The following TOGARAM1 variants were observed in gnomAD, a reference collection of about 807,000 sequenced individuals.
The protein encoded by TOGARAM1 is TOG array regulator of axonemal microtubules protein 1.
Under a neutral mutation model 166.6 loss-of-function variants are expected in TOGARAM1, and 100 were observed. The observed-to-expected ratio is 0.60, with a 90% confidence interval of 0.51 to 0.71. The LOEUF (loss-of-function observed/expected upper bound fraction) is 0.71. Among genes scored for constraint, TOGARAM1 ranks in the 30% least tolerant of loss-of-function variants. The pLI is 0.00. For missense variants in TOGARAM1, 2,029 were observed against 2,102.7 expected (o/e 0.96, Z 0.69); for synonymous variants, 758 against 763.8 (o/e 0.99, Z 0.13).
intron 1 of TOGARAM1, among the ~76,000 whole-genome samples, chr14:44,964,951 T>TAAA (rs35780816): frequency 8.0e-4 from 69 of 85,858 alleles, no homozygotes; most frequent in African/African-American, 1.7e-3. Context: ...ACTAGAAAAG[T>TAAA]AAAAAAAAAA....
At chr14:45,033,252 CAAAAAAAA>C (rs1434217190) in intron 11 of TOGARAM1, among the ~76,000 whole-genome samples, 1 of 105,580 alleles carries the variant, frequency 9.5e-6, no homozygotes, top group Admixed American at 1.0e-4. Context: ...AACTCTGTCT[CAAAAAAAA>C]AAAAAAAAAA....
chr14:45,003,765 ACATGTGTGTATATGTATACATATACATG>A (rs1357518895), intron 3 of TOGARAM1, among the ~76,000 whole-genome samples: 1 of 122,034 alleles, frequency 8.2e-6, no homozygotes, highest in African/African-American at 3.9e-5. Context: ...GACTTCTCTG[ACATGTGTGTATATGTATACATATACATG>A]CATGTATGTA....
In TOGARAM1 at chr14:44,995,869, T is replaced by A; in HGVS notation, c.2170T>A (p.Phe724Ile). 6 of 1,610,562 alleles carry A rather than the reference T, an allele frequency of 3.7e-6. No homozygotes were observed. The highest frequency in any genetic ancestry group is 5.1e-6 in the Non-Finnish European group (6 of 1,178,940). Residue 724 changes from phenylalanine to isoleucine, a missense_variant, in exon 2 of 20, where the codon TTT becomes ATT. This residue lies in a region of TOGARAM1 where 1,453 missense variants were observed against 1,432.2 expected (regional missense o/e 1.01). Transcript: ENST00000361462. The part of the protein sequence containing the change: ...SRNLFQNSRD[F>I]NPDCLPLCAA... ...AAACTTATTTCAGAATAGTCGGGATTTTAACCCAGATTGTCTTCCTTTATG... is the reference window on the plus strand; with the variant it reads ...AAACTTATTTCAGAATAGTCGGGATATTAACCCAGATTGTCTTCCTTTATG...
chr14:45,062,656 T>C (rs1882950572), intron 16 of TOGARAM1, among the ~76,000 whole-genome samples: 1 of 152,208 alleles, frequency 6.6e-6, no homozygotes, highest in African/African-American at 2.4e-5. Context: ...ATTCATACAA[T>C]CATTCTGTTT....
In TOGARAM1 at chr14:45,006,112, C is replaced by G. The variant is rs757990534; in HGVS notation, c.2749C>G (p.Pro917Ala). 6.2e-7 allele frequency: 1 copy of G among 1,614,004 alleles called. No individual in the cohort carries two copies. The highest frequency in any genetic ancestry group is 8.5e-7 in the Non-Finnish European group (1 of 1,179,956). The change falls in exon 5 of 20, where the codon CCA (proline) becomes GCA (alanine). Residue 917 changes from proline (P) to alanine (A), a missense_variant. Coordinates refer to ENST00000361462, the MANE Select transcript of TOGARAM1 (RefSeq NM_001308120.2). ...TGGGACAAAGCCTGTTCCTCCCATA[C>G]CAAGGGGAATAAGCCTTTTGCCTGA... ...LNGTKPVPPI[P>A]RGISLLPDKA...
chr14:45,045,611 GTGTGTGTA>G (rs796154624), intron 13 of TOGARAM1, among the ~76,000 whole-genome samples: 1,215 of 75,402 alleles, frequency 0.016, 57 homozygotes, highest in East Asian at 0.14. Context: ...GTGTGTGTGT[GTGTGTGTA>G]TATATATGTA....
chr14:45,039,326 A>G (rs1324425577), intron 11 of TOGARAM1, among the ~76,000 whole-genome samples: 1 of 152,124 alleles, frequency 6.6e-6, no homozygotes, highest in Non-Finnish European at 1.5e-5. Flanking sequence ...TGGAAAAAGC[A>G]CCATAAGTTC....
intron 4 of TOGARAM1, among the ~76,000 whole-genome samples, chr14:45,005,408 A>G (rs111812592): frequency 0.012 from 1,841 of 151,824 alleles, 31 homozygotes; most frequent in African/African-American, 0.041. Context: ...TGAGGTCAGG[A>G]GTTTGAGACC....
rs915409640 is a variant in TOGARAM1, at chr14:45,068,610, A to G, written c.4936A>G (p.Thr1646Ala). 1.2e-6 allele frequency: 2 copies of G among 1,610,742 alleles called. No homozygotes were observed. Among genetic ancestry groups the G allele is most frequent in the African/African-American group, 2.7e-5 (2 of 74,816 alleles). ...GAATCCAGGCATCTATGCGGCTGCTACAAATGTTGTTCAGGCACTGAGTCA... is the reference window on the plus strand; with the variant it reads ...GAATCCAGGCATCTATGCGGCTGCTGCAAATGTTGTTCAGGCACTGAGTCA... ...SKNPGIYAAA[T>A]NVVQALSQHV... The change falls in exon 18 of 20, where the codon ACA becomes GCA. Residue 1646 changes from threonine (T) to alanine (A), a missense_variant. Transcript: ENST00000361462.
intron 6 of TOGARAM1, among the ~76,000 whole-genome samples, chr14:45,009,981 A>G (rs1272521662): frequency 6.6e-6 from 1 of 152,234 alleles, no homozygotes; most frequent in African/African-American, 2.4e-5. Flanking sequence ...CCTACCAGCT[A>G]TGTGTGAGAG....
At chr14:45,030,900 G>T (rs1251874154) in intron 10 of TOGARAM1, among the ~76,000 whole-genome samples, 2 of 152,120 alleles carry the variant, frequency 1.3e-5, no homozygotes, top group Non-Finnish European at 2.9e-5. Flanking sequence ...TATTTTCTCA[G>T]CTGCAAAATA....
intron 14 of TOGARAM1, 21 bp from the exon 15 acceptor site, chr14:45,052,415 C>T (rs773551797): frequency 8.8e-6 from 14 of 1,598,068 alleles, no homozygotes; most frequent in African/African-American, 1.3e-5. Context: ...AGTAATATAC[C>T]TGTTTTTCAA....
intron 1 of TOGARAM1, among the ~76,000 whole-genome samples, chr14:44,983,944 G>A (rs192263600): frequency 7.9e-5 from 12 of 152,192 alleles, no homozygotes; most frequent in African/African-American, 2.9e-4. Flanking sequence ...AGCAGAAAAT[G>A]TAGAAGCTAC....
chr14:44,974,138 A>G (rs948927074), intron 1 of TOGARAM1, among the ~76,000 whole-genome samples: 3 of 151,762 alleles, frequency 2.0e-5, no homozygotes, highest in African/African-American at 4.8e-5. Context: ...TAGTAATCCC[A>G]TTATACATAT....
chr14:44,980,199 A>G (rs1163234377), intron 1 of TOGARAM1, among the ~76,000 whole-genome samples: 2 of 152,160 alleles, frequency 1.3e-5, no homozygotes, highest in Non-Finnish European at 2.9e-5. Flanking sequence ...CTCTGCTTTA[A>G]CATTTACAGT....
intron 9 of TOGARAM1, 97 bp from the exon 10 acceptor site, chr14:45,028,079 G>A (rs1259804247): frequency 2.0e-6 from 2 of 1,010,570 alleles, no homozygotes; most frequent in Non-Finnish European, 2.9e-6. Context: ...AGTAGTGACA[G>A]ACTAATATCC....
intron 7 of TOGARAM1, among the ~76,000 whole-genome samples, chr14:45,012,356 T>C (rs1408642780): frequency 1.3e-5 from 2 of 152,166 alleles, no homozygotes; most frequent in Non-Finnish European, 2.9e-5. Context: ...TGGAGTGTTA[T>C]TTAGCTGGTG....
intron 11 of TOGARAM1, among the ~76,000 whole-genome samples, chr14:45,041,708 T>C (rs1031886954): frequency 2.0e-5 from 3 of 152,242 alleles, no homozygotes; most frequent in African/African-American, 7.2e-5. Flanking sequence ...CTGTCTTAGT[T>C]AATAGCCCTG....
intron 7 of TOGARAM1, among the ~76,000 whole-genome samples, chr14:45,013,318 C>G (rs939182187): frequency 6.6e-6 from 1 of 152,164 alleles, no homozygotes; most frequent in Non-Finnish European, 1.5e-5. Context: ...AATGATACTA[C>G]AATTGCTTTA....
Sources: gnomAD v4.1 joint callset for allele counts (sites outside exome capture counted in the v4.1 genomes callset) on GRCh38, gnomAD v4.1.1 for gene constraint, gnomAD v4.1.1 regional missense constraint, MANE v1.5 for transcripts, NCBI Gene and HGNC (gene_info 2026-07-23, HGNC 2026-07-21) for gene names.